The following KCTD16 variants were observed in gnomAD, a reference collection of about 807,000 sequenced individuals.
KCTD16 encodes the protein BTB/POZ domain-containing protein KCTD16.
KCTD16 carries 13 observed loss-of-function variants against 33.2 expected under a neutral mutation model. That is an observed-to-expected ratio of 0.39 (90% CI 0.25 to 0.62). KCTD16 has a LOEUF of 0.62. Ranked by LOEUF, KCTD16 falls within the 20% of genes least tolerant of loss-of-function variation. The pLI is 0.50. For missense variants in KCTD16, 441 were observed against 525.1 expected, an observed-to-expected ratio of 0.84 and a Z score of 1.57; for synonymous variants, 197 against 195.3, an observed-to-expected ratio of 1.01 and a Z score of -0.07.
chr5:144,422,023 C>T (rs1390160172), intron 3 of KCTD16, among the ~76,000 whole-genome samples: 1 of 152,084 alleles, frequency 6.6e-6, no homozygotes, highest in African/African-American at 2.4e-5. Context: ...TATGAGTTCC[C>T]TGACAGAATT....
intron 2 of KCTD16, among the ~76,000 whole-genome samples, chr5:144,180,425 A>G (rs1376301212): frequency 1.3e-5 from 2 of 152,182 alleles, no homozygotes; most frequent in Non-Finnish European, 2.9e-5. Flanking sequence ...CCTCATTCCA[A>G]TTATCTGTTG....
chr5:144,347,827 TGGGAGCATGCGTTA>T (rs1194790752), intron 3 of KCTD16, among the ~76,000 whole-genome samples: 1 of 152,122 alleles, frequency 6.6e-6, no homozygotes, highest in Non-Finnish European at 1.5e-5. Context: ...CTCTTCTGCC[TGGGAGCATGCGTTA>T]GGCTCAAGAG....
intron 3 of KCTD16, among the ~76,000 whole-genome samples, chr5:144,255,855 A>G (rs1322564375): frequency 6.6e-6 from 1 of 152,242 alleles, no homozygotes; most frequent in African/African-American, 2.4e-5. Context: ...ATAAAACCTT[A>G]GAGAATGTCT....
intron 3 of KCTD16, among the ~76,000 whole-genome samples, chr5:144,343,903 G>C (rs1096544): frequency 0.33 from 50,833 of 151,754 alleles, 9,200 homozygotes; most frequent in African/African-American, 0.47. Context: ...GTGAGTTTCT[G>C]AATCCTAAGC....
intron 3 of KCTD16, among the ~76,000 whole-genome samples, chr5:144,368,057 C>T (rs1159323324): frequency 2.6e-5 from 4 of 151,926 alleles, no homozygotes; most frequent in African/African-American, 4.8e-5. Flanking sequence ...TTTTTGAACT[C>T]CTGTGTGTTC....
chr5:144,398,250 A>G (rs1420484127), intron 3 of KCTD16, among the ~76,000 whole-genome samples: 1 of 152,220 alleles, frequency 6.6e-6, no homozygotes, highest in Non-Finnish European at 1.5e-5. Context: ...TTTCAAAAAT[A>G]TTCAGTAACA....
intron 3 of KCTD16, among the ~76,000 whole-genome samples, chr5:144,235,241 T>G: frequency 6.6e-6 from 1 of 152,282 alleles, no homozygotes; most frequent in Middle Eastern, 3.4e-3. Context: ...CCTTTAGAGA[T>G]TGATACTCAT....
intron 2 of KCTD16, among the ~76,000 whole-genome samples, chr5:144,180,225 G>T (rs1298334657): frequency 2.6e-5 from 4 of 152,156 alleles, no homozygotes; most frequent in African/African-American, 7.2e-5. Flanking sequence ...CTGTTTCTAA[G>T]ACCCACAGTC....
intron 3 of KCTD16, among the ~76,000 whole-genome samples, chr5:144,360,003 G>C (rs192533965): frequency 7.6e-4 from 115 of 152,196 alleles, no homozygotes; most frequent in African/African-American, 2.7e-3. Context: ...GTCTTCCCCA[G>C]TGATTTTTGG....
chr5:144,285,515 T>C (rs144658294), intron 3 of KCTD16, among the ~76,000 whole-genome samples: 15 of 152,308 alleles, frequency 9.8e-5, no homozygotes, highest in African/African-American at 3.1e-4. Context: ...AGGGCCTTAG[T>C]GTGATTTGTA....
chr5:144,208,850 GC>G (rs556172936), intron 3 of KCTD16, among the ~76,000 whole-genome samples: 141 of 152,304 alleles, frequency 9.3e-4, no homozygotes, highest in African/African-American at 3.3e-3. Flanking sequence ...ATATTGATGT[GC>G]GATAACAAAC....
chr5:144,267,398 G>T (rs926119237), intron 3 of KCTD16, among the ~76,000 whole-genome samples: 1 of 150,788 alleles, frequency 6.6e-6, no homozygotes, highest in African/African-American at 2.5e-5. Context: ...GGAAAGACTG[G>T]GGCATGGGAA....
intron 3 of KCTD16, among the ~76,000 whole-genome samples, chr5:144,388,021 AT>A (rs1228101854): frequency 6.2e-5 from 8 of 128,494 alleles, no homozygotes; most frequent in African/African-American, 2.4e-4. Context: ...CCAATTATTT[AT>A]TATTAATCGG....
At chr5:144,440,356 T>C (rs1453137069) in intron 3 of KCTD16, among the ~76,000 whole-genome samples, 1 of 152,216 alleles carries the variant, frequency 6.6e-6, no homozygotes, top group Non-Finnish European at 1.5e-5. Flanking sequence ...GTGGAATTGC[T>C]GTGTCATATG....
At chr5:144,471,306 A>C (rs1561620409) in intron 3 of KCTD16, among the ~76,000 whole-genome samples, 1 of 152,212 alleles carries the variant, frequency 6.6e-6, no homozygotes, top group Non-Finnish European at 1.5e-5. Context: ...TCTTGGACAA[A>C]AAGACAGCAA....
intron 1 of KCTD16, among the ~76,000 whole-genome samples, chr5:144,171,699 A>T (rs1752387809): frequency 6.6e-6 from 1 of 152,204 alleles, no homozygotes; most frequent in African/African-American, 2.4e-5. Context: ...TTCTAAGTGG[A>T]ACCTGAGTGA....
intron 3 of KCTD16, among the ~76,000 whole-genome samples, chr5:144,301,962 A>G (rs908888585): frequency 2.0e-5 from 3 of 152,208 alleles, no homozygotes; most frequent in Admixed American, 6.6e-5. Flanking sequence ...TGTGGCAGTC[A>G]CTCTTCTAAA....
chr5:144,417,278 A>T (rs1317901278), intron 3 of KCTD16, among the ~76,000 whole-genome samples: 2 of 152,062 alleles, frequency 1.3e-5, no homozygotes, highest in Non-Finnish European at 2.9e-5. Context: ...AACACTTGTT[A>T]TTTTTATTTT....
intron 3 of KCTD16, among the ~76,000 whole-genome samples, chr5:144,263,396 C>T (rs933355401): frequency 6.6e-6 from 1 of 152,112 alleles, no homozygotes; most frequent in African/African-American, 2.4e-5. Flanking sequence ...TGCTAAATTA[C>T]CTTTAACTCC....
Sources: allele counts gnomAD v4.1 joint callset (sites outside exome capture counted in the v4.1 genomes callset), GRCh38; gene constraint gnomAD v4.1.1; transcripts MANE v1.5; gene names NCBI Gene and HGNC (gene_info 2026-07-23, HGNC 2026-07-21).